FBXL13: variants seen among roughly 807,000 people sequenced by gnomAD.
The protein encoded by FBXL13 is F-box and leucine rich repeat protein 13, also known as F-box and leucine-rich repeat protein 13.
In FBXL13, 67 loss-of-function variants were observed where a neutral mutation model predicts 83.6. The ratio of observed to expected loss-of-function variants is 0.80; its 90% confidence interval spans 0.66 to 0.98. The LOEUF (loss-of-function observed/expected upper bound fraction) is 0.98. Among genes scored for constraint, FBXL13 ranks in the 50% least tolerant of loss-of-function variants. FBXL13 has a pLI of 0.00. For synonymous variants in FBXL13, 272 were observed against 299.5 expected, an observed-to-expected ratio of 0.91 and a Z score of 0.95; for missense variants, 822 against 866.5, an observed-to-expected ratio of 0.95 and a Z score of 0.64.
At chr7:102,903,521 T>C (rs1403805332) in intron 11 of FBXL13, among the ~76,000 whole-genome samples, 3 of 152,134 alleles carry the variant, frequency 2.0e-5, no homozygotes, top group Non-Finnish European at 4.4e-5. Flanking sequence ...TTTCAGTTTT[T>C]CCCTATTCAG....
chr7:102,925,465 TCTC>T (rs1817946044), intron 10 of FBXL13, among the ~76,000 whole-genome samples: 1 of 152,042 alleles, frequency 6.6e-6, no homozygotes, highest in Admixed American at 6.6e-5. Context: ...TTCTGTCCCT[TCTC>T]CTCCAAAAAA....
intron 8 of FBXL13, among the ~76,000 whole-genome samples, chr7:102,963,085 G>A (rs1164161433): frequency 6.6e-6 from 1 of 150,602 alleles, no homozygotes; most frequent in Admixed American, 6.6e-5. Context: ...TTGGGAGGCC[G>A]AGGCGGGTGG....
At chr7:102,835,897 C>T (rs1801880712) in intron 17 of FBXL13, among the ~76,000 whole-genome samples, 1 of 152,126 alleles carries the variant, frequency 6.6e-6, no homozygotes, top group South Asian at 2.1e-4. Context: ...GCGTGAGCCA[C>T]CGCGCCCGGC....
chr7:102,939,703 CAA>C (rs1289004263), intron 8 of FBXL13: 1 of 948,478 alleles, frequency 1.1e-6, no homozygotes, highest in Non-Finnish European at 1.5e-6. Context: ...TAATAAAGTA[CAA>C]GTTTTAATTA....
intron 6 of FBXL13, among the ~76,000 whole-genome samples, chr7:102,993,152 ACTGT>A (rs1829753875): frequency 6.6e-6 from 1 of 152,228 alleles, no homozygotes; most frequent in Non-Finnish European, 1.5e-5. Flanking sequence ...ACCTGGAACC[ACTGT>A]CTGCATTGGT....
At chr7:102,817,147 T>C (rs1220099008) in intron 19 of FBXL13, among the ~76,000 whole-genome samples, 2 of 152,248 alleles carry the variant, frequency 1.3e-5, no homozygotes, top group Non-Finnish European at 2.9e-5. Context: ...CTGGATGAAA[T>C]GGTAATTCTA....
At chr7:102,882,287 T>C (rs1411119193) in intron 14 of FBXL13, among the ~76,000 whole-genome samples, 2 of 152,164 alleles carry the variant, frequency 1.3e-5, no homozygotes, top group South Asian at 2.1e-4. Flanking sequence ...AAAGATTTTG[T>C]GTAGCTTAGA....
intron 8 of FBXL13, among the ~76,000 whole-genome samples, chr7:102,957,208 C>G (rs573729910): frequency 3.3e-5 from 5 of 152,278 alleles, no homozygotes; most frequent in African/African-American, 1.2e-4. Context: ...TGGAACAGAA[C>G]AGAGGCCTCA....
intron 6 of FBXL13, among the ~76,000 whole-genome samples, chr7:102,971,593 T>TC (rs1826674162): frequency 2.6e-5 from 1 of 38,684 alleles, no homozygotes; most frequent in African/African-American, 7.9e-5. Context: ...AAACTCCGTC[T>TC]CAAAAAAAAA....
At chr7:102,955,960 A>G (rs1403991741) in intron 8 of FBXL13, among the ~76,000 whole-genome samples, 1 of 152,182 alleles carries the variant, frequency 6.6e-6, no homozygotes, top group East Asian at 1.9e-4. Flanking sequence ...AAGTACAAAC[A>G]GGAGGTGGCA....
intron 8 of FBXL13, among the ~76,000 whole-genome samples, chr7:102,941,753 A>C (rs948360666): frequency 5.3e-5 from 8 of 152,204 alleles, no homozygotes; most frequent in African/African-American, 1.4e-4. Context: ...GTCTCAAAAA[A>C]AAAAAAAGAT....
chr7:102,975,881 C>T, intron 6 of FBXL13: 1 of 732,094 alleles, frequency 1.4e-6, no homozygotes, highest in Non-Finnish European at 2.5e-6. Flanking sequence ...ATGCTTGCCT[C>T]CTCCATCAGG....
chr7:102,982,845 C>G (rs1016129744), intron 6 of FBXL13, among the ~76,000 whole-genome samples: 17 of 152,178 alleles, frequency 1.1e-4, no homozygotes, highest in African/African-American at 4.1e-4. Flanking sequence ...CTAATACAAG[C>G]TTTAGAGCCC....
chr7:103,038,172 G>T (rs1234912311), intron 2 of FBXL13, among the ~76,000 whole-genome samples: 1 of 152,226 alleles, frequency 6.6e-6, no homozygotes, highest in Non-Finnish European at 1.5e-5. Flanking sequence ...GGCTCGGTGA[G>T]TCCCACACCC....
At chr7:103,037,330 C>T (rs920686179) in intron 2 of FBXL13, among the ~76,000 whole-genome samples, 1 of 152,190 alleles carries the variant, frequency 6.6e-6, no homozygotes, top group Non-Finnish European at 1.5e-5. Flanking sequence ...CAGGCATTGT[C>T]TGCCTCTCCC....
At chr7:102,899,666 A>G (rs1388004633) in intron 11 of FBXL13, among the ~76,000 whole-genome samples, 1 of 152,240 alleles carries the variant, frequency 6.6e-6, no homozygotes, top group Non-Finnish European at 1.5e-5. Context: ...CCTGGATCAA[A>G]TGACTAGTAG....
intron 6 of FBXL13, among the ~76,000 whole-genome samples, chr7:103,024,858 T>TATATATATATATATA (rs1491367495): frequency 1.6e-5 from 1 of 63,218 alleles, no homozygotes; most frequent in African/African-American, 8.7e-5. Flanking sequence ...TATATATATA[T>TATATATATATATATA]TTTTTTTTTT....
intron 11 of FBXL13, among the ~76,000 whole-genome samples, chr7:102,892,232 A>G (rs936516646): frequency 2.6e-5 from 4 of 152,230 alleles, no homozygotes; most frequent in African/African-American, 9.6e-5. Flanking sequence ...CAAGATCTAA[A>G]AATTTTTGCC....
At chr7:103,053,790 G>A (rs991752224) in intron 2 of FBXL13, among the ~76,000 whole-genome samples, 5 of 152,252 alleles carry the variant, frequency 3.3e-5, no homozygotes, top group Non-Finnish European at 7.4e-5. Flanking sequence ...TCAAAAGTCT[G>A]TGGTTAATAA....
Sources: gnomAD v4.1 joint callset for allele counts (sites outside exome capture counted in the v4.1 genomes callset) on GRCh38, gnomAD v4.1.1 for gene constraint, MANE v1.5 for transcripts, NCBI Gene and HGNC (gene_info 2026-07-23, HGNC 2026-07-21) for gene names.